Variants in HEXB observed in about 807,000 individuals in gnomAD.
HEXB encodes the protein beta-hexosaminidase subunit beta.
In HEXB, 51 loss-of-function variants were observed where a neutral mutation model predicts 71.2. That is an observed-to-expected ratio of 0.72 (90% CI 0.57 to 0.90). HEXB has a LOEUF of 0.90. HEXB is among the 40% of genes least tolerant of loss of function. HEXB has a pLI of 0.00. For missense variants in HEXB, 617 were observed against 677.0 expected, an observed-to-expected ratio of 0.91 and a Z score of 0.98; for synonymous variants, 266 against 249.3, an observed-to-expected ratio of 1.07 and a Z score of -0.63.
At chr5:74,676,595 G>A (rs112636494) in intron 1 of HEXB, among the ~76,000 whole-genome samples, 14 of 152,096 alleles carry the variant, frequency 9.2e-5, no homozygotes, top group Non-Finnish European at 1.6e-4. Flanking sequence ...GTGAAACCCT[G>A]ACTGTAGTAA....
At position 74,685,545 on chromosome 5, in the gene HEXB, G is replaced by A; in HGVS notation, c.285G>A (p.Glu95=). Residue 95 remains glutamate (E), a synonymous_variant, in exon 1 of 14, where the codon GAG becomes GAA. Transcript: ENST00000261416. ...CGGGCCCCTCCTGCACCCTGCTGGA[G>A]GAAGCGTTTCGACGGTGAGCGCTCC... ...STAGPSCTLL[E]EAFRRYHGYI... 1 of 1,565,628 alleles carries A rather than the reference G, an allele frequency of 6.4e-7. No homozygotes were observed. The highest frequency in any genetic ancestry group is 8.6e-7 in the Non-Finnish European group (1 of 1,158,450).
chr5:74,670,515 G>T (rs1239224587), intron 1 of HEXB, among the ~76,000 whole-genome samples: 1 of 152,164 alleles, frequency 6.6e-6, no homozygotes, highest in Non-Finnish European at 1.5e-5. Flanking sequence ...GTACTACTGT[G>T]GCCCTCTGCC....
chr5:74,661,996 G>A (rs933485359), intron 1 of HEXB, among the ~76,000 whole-genome samples: 6 of 152,052 alleles, frequency 3.9e-5, no homozygotes, highest in Admixed American at 1.3e-4. Flanking sequence ...CTACGATTAC[G>A]AGAGGAATAG....
At chr5:74,687,025 T>C (rs993831712) in intron 1 of HEXB, among the ~76,000 whole-genome samples, 5 of 152,142 alleles carry the variant, frequency 3.3e-5, no homozygotes, top group Non-Finnish European at 7.4e-5. Flanking sequence ...AGGACTTAAA[T>C]CAGCTGAGAT....
chr5:74,646,517 G>A lies in HEXB; in HGVS notation c.-377+5959G>A, dbSNP rs1748003755. ...CATCTGTTATTGATACTGTCTTCCT[G>A]TTTTGTACTGGGACCACTGGTCTTA... is the stretch of plus-strand genomic sequence containing the variant. On this transcript the variant is annotated intron_variant, in intron 1 of 13. Coordinates refer to the HEXB transcript ENST00000511181. Among the ~76,000 whole-genome samples the A allele has an allele frequency of 2.0e-5, 3 of 151,164 alleles. No homozygotes were observed. In the South Asian group the frequency reaches 6.3e-4, roughly 32 times the overall value.
Position 74,718,943 on chromosome 5 carries a change from C to T in HEXB, c.1389C>T (p.Tyr463=). ...GCTATGGACAAGATTGGAGGAAATA[C>T]TATAAAGTGGAACCTCTTGATTTTG... The part of the protein sequence containing the change: ...LISYGQDWRK[Y]YKVEPLDFGG... Residue 463 remains tyrosine, a synonymous_variant, in exon 11 of 14, where the codon TAC becomes TAT. Transcript: ENST00000261416. 1 of 1,614,090 alleles carries T rather than the reference C, an allele frequency of 6.2e-7. No homozygotes were observed. Among genetic ancestry groups the T allele is most frequent in the Non-Finnish European group, 8.5e-7 (1 of 1,179,986 alleles).
At chr5:74,697,520 GT>G (rs1749139534) in intron 5 of HEXB, among the ~76,000 whole-genome samples, 1 of 152,154 alleles carries the variant, frequency 6.6e-6, no homozygotes, top group Admixed American at 6.5e-5. Context: ...GAGGTCAGGA[GT>G]TCGAGACCAG....
At chr5:74,678,533 A>C (rs1748678074) in intron 1 of HEXB, among the ~76,000 whole-genome samples, 2 of 152,048 alleles carry the variant, frequency 1.3e-5, no homozygotes, top group Middle Eastern at 6.8e-3. Context: ...ATTTGGGAAA[A>C]AAAAAGCCTT....
intron 1 of HEXB, 80 bp downstream of exon 1, chr5:74,685,639 A>C: frequency 7.8e-7 from 1 of 1,288,472 alleles, no homozygotes; most frequent in Non-Finnish European, 1.1e-6. Context: ...GCAGACCCTC[A>C]CCACCCCACT....
At chr5:74,706,739 G>C (rs1561222769) in intron 6 of HEXB, among the ~76,000 whole-genome samples, 1 of 151,720 alleles carries the variant, frequency 6.6e-6, no homozygotes. Context: ...CAGCGAGGCT[G>C]GGGGAGGGGT....
At chr5:74,708,930 C>A (rs1480180068) in intron 6 of HEXB, among the ~76,000 whole-genome samples, 1 of 152,196 alleles carries the variant, frequency 6.6e-6, no homozygotes, top group African/African-American at 2.4e-5. Context: ...CTCAGCTCTG[C>A]ACCAAGTGAA....
intron 1 of HEXB, among the ~76,000 whole-genome samples, chr5:74,687,009 A>G (rs1748890247): frequency 1.3e-5 from 2 of 152,256 alleles, no homozygotes; most frequent in Admixed American, 1.3e-4. Flanking sequence ...CAATAGGTAG[A>G]TAACCAGGAC....
chr5:74,689,471 C>A lies in HEXB; in HGVS notation c.443C>A (p.Ser148Tyr), dbSNP rs773503650. ...DAFPNISSDE[S>Y]YTLLVKEPVA... ...TTCCCCAACATATCTTCAGATGAGT[C>A]TTGTAAGTACCTATGCAATGTGAGT... The change falls in exon 2 of 14, where the codon TCT (serine) becomes TAT (tyrosine). Residue 148 changes from serine (S) to tyrosine (Y), a missense_variant and splice_region_variant. Transcript: ENST00000261416. The A allele has an allele frequency of 2.5e-6, 4 of 1,612,646 alleles. No homozygotes were observed. Among genetic ancestry groups the A allele is most frequent in the Non-Finnish European group, 3.4e-6 (4 of 1,178,792 alleles).
At chr5:74,669,279 C>T (rs538602198) in intron 1 of HEXB, among the ~76,000 whole-genome samples, 15 of 151,934 alleles carry the variant, frequency 9.9e-5, no homozygotes, top group African/African-American at 2.4e-4. Context: ...GTTACTTTTT[C>T]GACATACAAA....
chr5:74,697,185 T>C, intron 5 of HEXB, 79 bp downstream of exon 5: 1 of 774,448 alleles, frequency 1.3e-6, no homozygotes, highest in Non-Finnish European at 2.3e-6. Context: ...TTGGTTACTA[T>C]TGTGTAGTTT....
At chr5:74,682,765 T>G (rs1748762778), upstream of HEXB, among the ~76,000 whole-genome samples, 1 of 152,220 alleles carries the variant, frequency 6.6e-6, no homozygotes, top group Non-Finnish European at 1.5e-5. Flanking sequence ...AGTGTGCCAC[T>G]GAAGTTTTCT....
chr5:74,693,435 G>A, intron 2 of HEXB: 1 of 634,182 alleles, frequency 1.6e-6, no homozygotes, highest in South Asian at 1.7e-5. Context: ...GGAGGAGGGA[G>A]GGAAGAGTTC....
At position 74,718,370 on chromosome 5, in the gene HEXB, A is replaced by G. The variant is rs1749727351; in HGVS notation, c.1242+7A>G. 6.3e-7 allele frequency: 1 copy of G among 1,590,104 alleles called. No individual in the cohort carries two copies. The highest frequency in any genetic ancestry group is 1.1e-5 in the South Asian group (1 of 90,600). On this transcript the variant is annotated splice_region_variant and intron_variant, in intron 10 of 13. Transcript: ENST00000261416. ...TTTTGATGATAAAGCAAAGGTGAGCATTGTGAAGACTGCATCTGATCAATA... is the reference window on the plus strand; with the variant it reads ...TTTTGATGATAAAGCAAAGGTGAGCGTTGTGAAGACTGCATCTGATCAATA...
chr5:74,643,143 C>T (rs1205080108), intron 1 of HEXB, among the ~76,000 whole-genome samples: 1 of 152,196 alleles, frequency 6.6e-6, no homozygotes, highest in African/African-American at 2.4e-5. Context: ...ACAAACTGTA[C>T]TCTGGTTTGC....
Sources: allele counts gnomAD v4.1 joint callset (sites outside exome capture counted in the v4.1 genomes callset), GRCh38; gene constraint gnomAD v4.1.1; transcripts MANE v1.5; gene names NCBI Gene and HGNC (gene_info 2026-07-23, HGNC 2026-07-21).